RREB1: variants seen among roughly 807,000 people sequenced by gnomAD.
RREB1 encodes the protein ras responsive element binding protein 1.
A neutral mutation model predicts 117.8 loss-of-function variants in RREB1; 27 were observed. That is an observed-to-expected ratio of 0.23 (90% CI 0.17 to 0.32). The LOEUF is 0.32. Among genes scored for constraint, RREB1 ranks in the 10% least tolerant of loss-of-function variants. The pLI, the probability that RREB1 is intolerant of heterozygous loss-of-function variation, is 1.00. For synonymous variants in RREB1, 1,298 were observed against 1,026.7 expected (o/e 1.26, Z -5.05); for missense variants, 2,577 against 2,378.2 (o/e 1.08, Z -1.74).
chr6:7,116,335 A>G (rs192593422), intron 1 of RREB1, among the ~76,000 whole-genome samples: 5 of 152,228 alleles, frequency 3.3e-5, no homozygotes, highest in Non-Finnish European at 7.4e-5. Flanking sequence ...TCCTTCAGCA[A>G]TAAAAATTTT....
chr6:7,154,062 G>A (rs1204481536), intron 1 of RREB1, among the ~76,000 whole-genome samples: 2 of 152,170 alleles, frequency 1.3e-5, no homozygotes, highest in East Asian at 1.9e-4. Context: ...AAAGGTATAC[G>A]GTTGCCAGGA....
chr6:7,189,871 C>CAGT lies in RREB1; in HGVS notation c.425+552_425+554dup, dbSNP rs1765306577. Among the ~76,000 whole-genome samples the CAGT allele has an allele frequency of 2.0e-5, 3 of 152,054 alleles. 1 individual carries two copies. In the South Asian group the frequency reaches 6.2e-4, roughly 31 times the overall value. ...GAAAGATGCTCACTCAAGTGGGAGA[C>CAGT]AGTAGAGTGGTAGACATATTAAAAT... On this transcript the variant is annotated intron_variant, in intron 6 of 12. Coordinates refer to ENST00000379938, the MANE Select transcript of RREB1 (RefSeq NM_001003699.4).
At chr6:7,201,911 G>A (rs530600112) in intron 6 of RREB1, among the ~76,000 whole-genome samples, 3 of 152,052 alleles carry the variant, frequency 2.0e-5, no homozygotes, top group African/African-American at 7.3e-5. Context: ...TTCCTCCCTC[G>A]ACATCTCTGG....
intron 1 of RREB1, among the ~76,000 whole-genome samples, chr6:7,156,125 A>G (rs1279326603): frequency 6.6e-6 from 1 of 152,104 alleles, no homozygotes; most frequent in East Asian, 1.9e-4. Context: ...TCTCATTCAC[A>G]CTTAAGAGTC....
At position 7,182,013 on chromosome 6, in the gene RREB1, C is replaced by T. The variant is rs146325538; in HGVS notation, c.102C>T (p.Gly34=). The part of the protein sequence containing the change: ...VMSVGKVTEN[G]GSPQGIKSPS... ...GTGTAGGGAAGGTCACAGAGAATGGCGGGAGCCCCCAGGGGATCAAGTCCC... is the reference window on the plus strand; with the variant it reads ...GTGTAGGGAAGGTCACAGAGAATGGTGGGAGCCCCCAGGGGATCAAGTCCC... The change falls in exon 4 of 13, where the codon GGC becomes GGT. Residue 34 remains glycine (G), a synonymous_variant. Coordinates refer to ENST00000379938, the MANE Select transcript of RREB1 (RefSeq NM_001003699.4). 16 of 1,613,860 alleles carry T rather than the reference C, an allele frequency of 9.9e-6. No individual in the cohort carries two copies. Among genetic ancestry groups the T allele is most frequent in the South Asian group, 3.3e-5 (3 of 91,080 alleles).
intron 12 of RREB1, 56 bp downstream of exon 12, chr6:7,247,277 C>T (rs749321416): frequency 8.2e-5 from 123 of 1,491,702 alleles, no homozygotes; most frequent in Non-Finnish European, 1.1e-4. Flanking sequence ...CCGGGCACCT[C>T]TCCTAGGAGC....
chr6:7,153,413 T>TACACACACACACACACACACACACAC (rs57110705), intron 1 of RREB1, among the ~76,000 whole-genome samples: 2 of 145,724 alleles, frequency 1.4e-5, no homozygotes, highest in African/African-American at 2.6e-5. Context: ...AGTAGTGGTA[T>TACACACACACACACACACACACACAC]ACACACACAC....
At chr6:7,217,566 G>A (rs1766975112) in intron 8 of RREB1, 2 of 152,154 alleles carry the variant, frequency 1.3e-5, no homozygotes, top group Admixed American at 6.5e-5. Flanking sequence ...GAAGCCAGCC[G>A]GCTCCGTCCC....
At chr6:7,130,569 G>A (rs913467605) in intron 1 of RREB1, among the ~76,000 whole-genome samples, 19 of 151,906 alleles carry the variant, frequency 1.3e-4, no homozygotes, top group African/African-American at 4.1e-4. Flanking sequence ...GGGTTCACTA[G>A]TGAAAGCTGC....
chr6:7,167,454 A>G (rs554789695), intron 1 of RREB1, among the ~76,000 whole-genome samples: 1 of 151,172 alleles, frequency 6.6e-6, no homozygotes, highest in Non-Finnish European at 1.5e-5. Context: ...CCTGGGTTCA[A>G]GCAATTCTCC....
chr6:7,160,579 C>T (rs756863712), intron 1 of RREB1, among the ~76,000 whole-genome samples: 2 of 152,104 alleles, frequency 1.3e-5, no homozygotes, highest in Non-Finnish European at 2.9e-5. Flanking sequence ...GTGTGATCAC[C>T]GCTCACTGCA....
At position 7,229,916 on chromosome 6, in the gene RREB1, T is replaced by G; in HGVS notation, c.1817T>G (p.Leu606Arg). ...LEQDSIIEAL[L>R]PLSMEAKIKQ... ...CAGGACAGCATCATCGAGGCCCTGCTGCCGCTGAGCATGGAGGCCAAGATC... is the reference window on the plus strand; with the variant it reads ...CAGGACAGCATCATCGAGGCCCTGCGGCCGCTGAGCATGGAGGCCAAGATC... The change falls in exon 10 of 13, where the codon CTG becomes CGG. Residue 606 changes from leucine to arginine, a missense_variant. Transcript: ENST00000379938. This position sits in a 1 kb window ranked among gnomAD's most constrained non-coding sequence, Gnocchi z 4.5. The G allele has an allele frequency of 6.3e-7, 1 of 1,599,786 alleles. No homozygotes were observed. Among genetic ancestry groups the G allele is most frequent in the Non-Finnish European group, 8.6e-7 (1 of 1,169,568 alleles).
chr6:7,243,080 A>G (rs957356225), intron 11 of RREB1, among the ~76,000 whole-genome samples: 7 of 152,102 alleles, frequency 4.6e-5, no homozygotes, highest in Admixed American at 4.6e-4. Context: ...GCTCTCCCTT[A>G]ATGGTGGCCG....
chr6:7,172,764 C>G (rs1184651630), intron 1 of RREB1, among the ~76,000 whole-genome samples: 1 of 151,994 alleles, frequency 6.6e-6, no homozygotes, highest in East Asian at 1.9e-4. Flanking sequence ...CCAAGAAACA[C>G]ATCAACTTCC....
chr6:7,191,107 GTCT>G (rs1765377047), intron 6 of RREB1, among the ~76,000 whole-genome samples: 1 of 152,164 alleles, frequency 6.6e-6, no homozygotes, highest in Admixed American at 6.5e-5. Flanking sequence ...CGTAGTTATT[GTCT>G]TCTACAATAA....
chr6:7,175,275 C>T (rs1474696236), intron 1 of RREB1, among the ~76,000 whole-genome samples: 1 of 149,616 alleles, frequency 6.7e-6, no homozygotes, highest in Admixed American at 6.7e-5. Context: ...GATTCTTACC[C>T]TGCTGTCCCT....
intron 1 of RREB1, among the ~76,000 whole-genome samples, chr6:7,146,954 G>A (rs1020388923): frequency 4.6e-5 from 7 of 152,162 alleles, no homozygotes; most frequent in Admixed American, 1.3e-4. Flanking sequence ...GAATGAAACC[G>A]TACTTTTCTT....
intron 1 of RREB1, among the ~76,000 whole-genome samples, chr6:7,113,566 C>T (rs922599100): frequency 3.3e-5 from 5 of 152,242 alleles, no homozygotes; most frequent in South Asian, 2.1e-4. Context: ...TTTACAGCTG[C>T]GCGGTGGTCC....
In RREB1 at chr6:7,251,648, G is replaced by A. The variant is rs1769416992; in HGVS notation, c.*2680G>A. On this transcript the variant is annotated 3_prime_UTR_variant, in exon 13 of 13. Transcript: ENST00000379938. ...TAACAGTCGGATGCCAGTTTTGGAA[G>A]ATTCACCATGCGTTCTGACCCTCTG... 6.6e-6 allele frequency: 1 copy of A among 152,090 alleles called. No individual in the cohort carries two copies. The highest frequency in any genetic ancestry group is 2.4e-5 in the African/African-American group (1 of 41,406). 9.4% of individuals were successfully genotyped at this position (152,090 alleles called of 1,614,324 possible). A position where few individuals can be genotyped will look rare whatever the true frequency, so the allele number is the denominator to read the frequency against.
Sources: allele counts gnomAD v4.1 joint callset (sites outside exome capture counted in the v4.1 genomes callset), GRCh38; gene constraint gnomAD v4.1.1; non-coding constraint Gnocchi (gnomAD v3.1); transcripts MANE v1.5; gene names NCBI Gene and HGNC (gene_info 2026-07-23, HGNC 2026-07-21).